The following SPRED1 variants were observed in gnomAD, a reference collection of about 807,000 sequenced individuals.
SPRED1 encodes the protein sprouty-related, EVH1 domain-containing protein 1.
Under a neutral mutation model 52.3 loss-of-function variants are expected in SPRED1, and 18 were observed. The ratio of observed to expected loss-of-function variants is 0.34; its 90% CI spans 0.24 to 0.51. The LOEUF (loss-of-function observed/expected upper bound fraction) is 0.51, where lower values mean the gene tolerates loss of function less well. Ranked by LOEUF, SPRED1 falls within the 20% of genes least tolerant of loss-of-function variation. SPRED1 has a pLI of 0.97. For synonymous variants in SPRED1, 155 were observed against 179.7 expected (o/e 0.86, Z 1.10); for missense variants, 485 against 551.0 (o/e 0.88, Z 1.20).
chr15:38,320,451 G>T (rs1380377034), intron 2 of SPRED1, among the ~76,000 whole-genome samples: 1 of 152,098 alleles, frequency 6.6e-6, no homozygotes, highest in Non-Finnish European at 1.5e-5. Context: ...GCATTGAAAA[G>T]ACATTGAAAC....
intron 4 of SPRED1, among the ~76,000 whole-genome samples, chr15:38,331,574 G>T (rs1566870175): frequency 6.6e-6 from 1 of 152,074 alleles, no homozygotes; most frequent in Non-Finnish European, 1.5e-5. Flanking sequence ...CCAAAATTCA[G>T]ATTTTCTTAA....
chr15:38,273,182 A>G (rs890178681), intron 1 of SPRED1, among the ~76,000 whole-genome samples: 1 of 152,174 alleles, frequency 6.6e-6, no homozygotes, highest in African/African-American at 2.4e-5. Flanking sequence ...TCTTTAATCC[A>G]TCTTGAGTTA....
chr15:38,253,825 A>C (rs141553266), intron 1 of SPRED1, among the ~76,000 whole-genome samples: 58 of 152,284 alleles, frequency 3.8e-4, no homozygotes, highest in African/African-American at 1.2e-3. Context: ...GTTGAGCTAG[A>C]GTTTACCTTT....
rs755230054 is a variant in SPRED1 at position 38,253,162 on chromosome 15, A to G, written c.-24A>G. The G allele has an allele frequency of 6.0e-5, 94 of 1,571,726 alleles. No homozygotes were observed. The highest frequency in any genetic ancestry group is 4.0e-4 in the Admixed American group (22 of 54,514). Reference sequence around the variant, plus strand: ...CGCCTGCTGTTGCTCCTCCATCTCCAGATCGGATCACGGTGAGGGAAAGAT... The same window carrying G: ...CGCCTGCTGTTGCTCCTCCATCTCCGGATCGGATCACGGTGAGGGAAAGAT... On this transcript the variant is annotated 5_prime_UTR_variant, in exon 1 of 7. Coordinates refer to ENST00000299084, the MANE Select transcript of SPRED1 (RefSeq NM_152594.3).
intron 2 of SPRED1, among the ~76,000 whole-genome samples, chr15:38,315,326 G>A (rs920156696): frequency 3.9e-5 from 6 of 151,900 alleles, no homozygotes; most frequent in East Asian, 1.9e-4. Context: ...TTATCTACTC[G>A]TAAGATAGCA....
intron 2 of SPRED1, among the ~76,000 whole-genome samples, chr15:38,314,182 A>G (rs549026723): frequency 6.6e-6 from 1 of 151,990 alleles, no homozygotes; most frequent in East Asian, 1.9e-4. Flanking sequence ...AGGTTTCTGC[A>G]TGTGTCCCAT....
At chr15:38,289,367 G>A (rs8033178) in intron 1 of SPRED1, among the ~76,000 whole-genome samples, 125,319 of 151,732 alleles carry the variant, frequency 0.83, 52,473 homozygotes, top group Non-Finnish European at 0.9. Flanking sequence ...TGTGGTGTTT[G>A]TCTTTTCTTA....
chr15:38,324,318 A>G (rs1895665743), intron 3 of SPRED1, among the ~76,000 whole-genome samples: 1 of 152,374 alleles, frequency 6.6e-6, no homozygotes, highest in East Asian at 1.9e-4. Flanking sequence ...ATAGTGGATT[A>G]AAACTCATTT....
At position 38,351,124 on chromosome 15, in the gene SPRED1, C is replaced by T. The variant is rs116667267; in HGVS notation, c.795C>T (p.Asp265=). 1.2e-6 allele frequency: 2 copies of T among 1,614,002 alleles called. No homozygotes were observed. The highest frequency in any genetic ancestry group is 1.7e-4 in the Middle Eastern group (1 of 6,060). ...IRRYADYRHP[D]MWKNDLERDD... is the part of the protein sequence containing the mutation. Reference sequence around the variant, plus strand: ...GCTATGCAGACTACAGACATCCTGACATGTGGAAAAATGACTTGGAAAGAG... The same window carrying T: ...GCTATGCAGACTACAGACATCCTGATATGTGGAAAAATGACTTGGAAAGAG... Residue 265 remains aspartate, a synonymous_variant, in exon 7 of 7, where the codon GAC becomes GAT. Coordinates refer to ENST00000299084, the MANE Select transcript of SPRED1 (RefSeq NM_152594.3).
intron 1 of SPRED1, among the ~76,000 whole-genome samples, chr15:38,292,191 G>C (rs540017836): frequency 6.6e-6 from 1 of 152,100 alleles, no homozygotes; most frequent in African/African-American, 2.4e-5. Flanking sequence ...ACAAGATTCA[G>C]CTTTGCTCCA....
chr15:38,291,343 G>A (rs1158221594), intron 1 of SPRED1, among the ~76,000 whole-genome samples: 1 of 152,210 alleles, frequency 6.6e-6, no homozygotes. Context: ...GATGTTGAGT[G>A]TCTGTGGCTT....
At chr15:38,276,725 C>T (rs190880947) in intron 1 of SPRED1, among the ~76,000 whole-genome samples, 264 of 152,288 alleles carry the variant, frequency 1.7e-3, no homozygotes, top group African/African-American at 5.2e-3. Context: ...CATTTTAATT[C>T]TCATGTTCAG....
chr15:38,355,653 TA>T lies in SPRED1; in HGVS notation c.*3991del. 6.6e-6 allele frequency: 1 copy of T among 152,330 alleles called. No individual in the cohort carries two copies. Among genetic ancestry groups the T allele is most frequent in the Non-Finnish European group, 1.5e-5 (1 of 68,024 alleles). The allele number at this position is 152,330 out of a possible 1,614,324, so 9.4% of individuals were successfully genotyped here. A position where few individuals can be genotyped will look rare whatever the true frequency, so the allele number is the denominator to read the frequency against. On this transcript the variant is annotated 3_prime_UTR_variant, in exon 7 of 7. Transcript: ENST00000299084. ...TTTTAATTGTAGCCCAAAGGTGCAT[TA>T]AGCAAGTGTAACATTTTTTCCACAT...
intron 5 of SPRED1, among the ~76,000 whole-genome samples, chr15:38,342,120 C>T (rs1896044554): frequency 4.7e-5 from 7 of 149,966 alleles, no homozygotes; most frequent in Admixed American, 3.3e-4. Flanking sequence ...ATAAATCTAC[C>T]ATTTTATTCA....
At chr15:38,308,346 A>T (rs1283628178) in intron 2 of SPRED1, among the ~76,000 whole-genome samples, 1 of 152,222 alleles carries the variant, frequency 6.6e-6, no homozygotes, top group Non-Finnish European at 1.5e-5. Flanking sequence ...ACAATCTATC[A>T]TATTCAGATT....
At chr15:38,274,688 G>T (rs985763523) in intron 1 of SPRED1, among the ~76,000 whole-genome samples, 26 of 152,134 alleles carry the variant, frequency 1.7e-4, no homozygotes, top group Non-Finnish European at 3.1e-4. Context: ...TCCAGTTCAG[G>T]ATATGATAAA....
At chr15:38,297,680 A>G (rs1437346568) in intron 1 of SPRED1, among the ~76,000 whole-genome samples, 3 of 10,016 alleles carry the variant, frequency 3.0e-4, no homozygotes, top group Non-Finnish European at 1.7e-3. Context: ...AAATTCAATT[A>G]TTTCCCAGAT....
intron 2 of SPRED1, 65 bp from the exon 3 acceptor site, chr15:38,322,175 AT>A: frequency 6.7e-7 from 1 of 1,481,754 alleles, no homozygotes; most frequent in Admixed American, 1.7e-5. Context: ...CTCAGTTTGT[AT>A]TTATGAGCTA....
intron 2 of SPRED1, among the ~76,000 whole-genome samples, chr15:38,310,116 T>TGC: frequency 1.4e-5 from 1 of 74,020 alleles, no homozygotes; most frequent in South Asian, 5.6e-4. Context: ...GACTATTCTT[T>TGC]GTGTGTGTGT....
Sources: allele counts gnomAD v4.1 joint callset (sites outside exome capture counted in the v4.1 genomes callset), GRCh38; gene constraint gnomAD v4.1.1; transcripts MANE v1.5; gene names NCBI Gene and HGNC (gene_info 2026-07-23, HGNC 2026-07-21).